Variants in ACTL8 observed in about 807,000 individuals in gnomAD.
ACTL8 encodes actin-like protein 8.
In ACTL8, 3 loss-of-function variants were observed where a neutral mutation model predicts 9.3. The observed-to-expected ratio is 0.32, with a 90% CI of 0.15 to 0.83. The LOEUF (loss-of-function observed/expected upper bound fraction) is 0.83. ACTL8 is among the 40% of genes least tolerant of loss of function. ACTL8 has a pLI of 0.57. For missense variants in ACTL8, 381 were observed against 492.2 expected (o/e 0.77, Z 2.14); for synonymous variants, 224 against 205.9 (o/e 1.09, Z -0.75).
chr1:17,818,687 C>G lies in ACTL8; in HGVS notation c.-24-4298C>G, dbSNP rs143901195. Among the ~76,000 whole-genome samples the G allele has an allele frequency of 2.0e-3, 312 of 152,292 alleles. 3 individuals are homozygous for G. The highest frequency in any genetic ancestry group is 7.0e-3 in the African/African-American group (291 of 41,574). On this transcript the variant is annotated intron_variant, in intron 1 of 2. Transcript: ENST00000375406. ...TTCAGTTTTCTGCTCAGATGTCACC[C>G]TAGAAGGAGGCCTTTGATGACTGCT...
intron 1 of ACTL8, among the ~76,000 whole-genome samples, chr1:17,805,786 A>G (rs1165764960): frequency 6.6e-6 from 1 of 152,214 alleles, no homozygotes; most frequent in Non-Finnish European, 1.5e-5. Flanking sequence ...CTATATCTGC[A>G]GAGCCCTGTG....
intron 1 of ACTL8, among the ~76,000 whole-genome samples, chr1:17,784,843 A>C (rs2066184238): frequency 6.6e-6 from 1 of 152,232 alleles, no homozygotes; most frequent in South Asian, 2.1e-4. Context: ...CACTGCTGAT[A>C]AAGACATACC....
At chr1:17,806,122 G>A (rs1432405166) in intron 1 of ACTL8, among the ~76,000 whole-genome samples, 2 of 152,160 alleles carry the variant, frequency 1.3e-5, no homozygotes, top group Admixed American at 6.5e-5. Flanking sequence ...GATGTCGAGC[G>A]ATTAATTTTT....
chr1:17,810,312 C>T (rs1280634481), intron 1 of ACTL8, among the ~76,000 whole-genome samples: 1 of 152,160 alleles, frequency 6.6e-6, no homozygotes, highest in Non-Finnish European at 1.5e-5. Flanking sequence ...GCTTTGACAC[C>T]TTTTCTATCG....
intron 1 of ACTL8, among the ~76,000 whole-genome samples, chr1:17,819,231 G>C (rs778299300): frequency 1.3e-5 from 2 of 152,228 alleles, no homozygotes; most frequent in Non-Finnish European, 2.9e-5. Context: ...GCTCTCAGCA[G>C]GGCAGAGCCC....
In ACTL8 at chr1:17,763,605, C is replaced by T. The variant is rs544445942; in HGVS notation, c.-25+8101C>T. Among the ~76,000 whole-genome samples the T allele has an allele frequency of 2.0e-5, 3 of 152,320 alleles. No homozygotes were observed. In the East Asian group the frequency reaches 5.8e-4, roughly 29 times the overall value. On this transcript the variant is annotated intron_variant, in intron 1 of 2. Coordinates refer to ENST00000375406, the MANE Select transcript of ACTL8 (RefSeq NM_030812.3). ...CAGATCCCCCTGCTGGCTCCACAGC[C>T]TTTGTAAGCAGCTCATTACGTCTTC...
intron 1 of ACTL8, among the ~76,000 whole-genome samples, chr1:17,761,760 G>C (rs1397234502): frequency 6.6e-6 from 1 of 152,102 alleles, no homozygotes; most frequent in East Asian, 1.9e-4. Flanking sequence ...TAGTAGAGAC[G>C]GGGTTTCACC....
chr1:17,807,935 A>G (rs1230346899), intron 1 of ACTL8, among the ~76,000 whole-genome samples: 3 of 152,188 alleles, frequency 2.0e-5, no homozygotes, highest in Non-Finnish European at 4.4e-5. Context: ...TGGCACGTGT[A>G]TACCTGTGTA....
Position 17,783,412 on chromosome 1 carries a change from G to A in ACTL8, c.-25+27908G>A, listed in dbSNP as rs137907061. On this transcript the variant is annotated intron_variant, in intron 1 of 2. Coordinates refer to ENST00000375406, the MANE Select transcript of ACTL8 (RefSeq NM_030812.3). ...CCCTAACTAGTCCCATGTGTCGGAT[G>A]ATGCCTGGAGGCTGTCTGTGTGAAG... Among the ~76,000 whole-genome samples the A allele has an allele frequency of 9.7e-4, 147 of 150,936 alleles. 1 individual carries two copies. Among genetic ancestry groups the A allele is most frequent in the African/African-American group, 3.2e-3 (133 of 41,162 alleles).
At chr1:17,787,613 G>A (rs1046007796) in intron 1 of ACTL8, among the ~76,000 whole-genome samples, 4 of 152,100 alleles carry the variant, frequency 2.6e-5, no homozygotes, top group Non-Finnish European at 5.9e-5. Flanking sequence ...TCCAGTGCGT[G>A]GGTGTGCTGT....
At chr1:17,821,943 A>G (rs2053665929) in intron 1 of ACTL8, among the ~76,000 whole-genome samples, 1 of 152,144 alleles carries the variant, frequency 6.6e-6, no homozygotes, top group African/African-American at 2.4e-5. Flanking sequence ...TTCTTTTACC[A>G]GTACCTCCCA....
At chr1:17,795,880 C>T (rs1207687359) in intron 1 of ACTL8, among the ~76,000 whole-genome samples, 1 of 152,168 alleles carries the variant, frequency 6.6e-6, no homozygotes, top group Admixed American at 6.5e-5. Context: ...AAGATGAGCT[C>T]GGGCATTTCC....
chr1:17,795,295 C>T lies in ACTL8; in HGVS notation c.-24-27690C>T, dbSNP rs114626997. On this transcript the variant is annotated intron_variant, in intron 1 of 2. Coordinates refer to ENST00000375406, the MANE Select transcript of ACTL8 (RefSeq NM_030812.3). Reference sequence around the variant, plus strand: ...ACAGCCCCTCCCCACCGTACTTTGTCCTCATTGACTAGTTTCAGGACCGGC... The same window carrying T: ...ACAGCCCCTCCCCACCGTACTTTGTTCTCATTGACTAGTTTCAGGACCGGC... Among the ~76,000 whole-genome samples the T allele has an allele frequency of 4.7e-3, 713 of 152,304 alleles. 13 individuals carry two copies. Among genetic ancestry groups the T allele is most frequent in the African/African-American group, 0.016 (680 of 41,562 alleles).
chr1:17,810,495 C>T (rs2066386708), intron 1 of ACTL8, among the ~76,000 whole-genome samples: 1 of 152,166 alleles, frequency 6.6e-6, no homozygotes, highest in African/African-American at 2.4e-5. Flanking sequence ...TCAAATTTTA[C>T]CATCTGTCCC....
At chr1:17,794,068 C>G (rs2066260255) in intron 1 of ACTL8, among the ~76,000 whole-genome samples, 1 of 152,188 alleles carries the variant, frequency 6.6e-6, no homozygotes, top group Non-Finnish European at 1.5e-5. Flanking sequence ...TGTTATGTGG[C>G]AATCTCTCTT....
intron 1 of ACTL8, among the ~76,000 whole-genome samples, chr1:17,758,871 T>A (rs2065983585): frequency 6.6e-6 from 1 of 152,218 alleles, no homozygotes; most frequent in African/African-American, 2.4e-5. Context: ...TCTCTCTTCT[T>A]CCCATTTTTG....
chr1:17,755,818 C>T (rs2065964125), intron 1 of ACTL8, among the ~76,000 whole-genome samples: 1 of 151,760 alleles, frequency 6.6e-6, no homozygotes, highest in Non-Finnish European at 1.5e-5. Context: ...CTTGTGGGGG[C>T]ACCGCCTGGA....
At chr1:17,757,067 C>A (rs938563391) in intron 1 of ACTL8, among the ~76,000 whole-genome samples, 2 of 152,144 alleles carry the variant, frequency 1.3e-5, no homozygotes, top group Admixed American at 6.5e-5. Flanking sequence ...GGGTTTGAGG[C>A]TGCAGTAAGC....
At chr1:17,803,154 A>G (rs1254327658) in intron 1 of ACTL8, among the ~76,000 whole-genome samples, 2 of 150,360 alleles carry the variant, frequency 1.3e-5, no homozygotes, top group Non-Finnish European at 2.9e-5. Context: ...TTCTCGTAAT[A>G]GTGAGTGAGT....
Sources: gnomAD v4.1 joint callset for allele counts (sites outside exome capture counted in the v4.1 genomes callset) on GRCh38, gnomAD v4.1.1 for gene constraint, MANE v1.5 for transcripts, NCBI Gene and HGNC (gene_info 2026-07-23, HGNC 2026-07-21) for gene names.